The following PCDH15 variants were observed in gnomAD, a reference collection of about 807,000 sequenced individuals.
PCDH15 encodes the protein protocadherin related 15.
PCDH15 carries 129 observed loss-of-function variants against 178.5 expected under a neutral mutation model. That is an observed-to-expected ratio of 0.72 (90% CI 0.63 to 0.84). The LOEUF is 0.84. Ranked by LOEUF, PCDH15 falls within the 40% of genes least tolerant of loss-of-function variation. The pLI, the probability that PCDH15 is intolerant of heterozygous loss-of-function variation, is 0.00. For missense variants in PCDH15, 2,230 were observed against 2,099.9 expected (o/e 1.06, Z -1.21); for synonymous variants, 800 against 732.0 (o/e 1.09, Z -1.50).
intron 10 of PCDH15, among the ~76,000 whole-genome samples, chr10:54,204,134 T>C (rs1457444551): frequency 6.6e-6 from 1 of 152,192 alleles, no homozygotes; most frequent in Non-Finnish European, 1.5e-5. Flanking sequence ...CAAACGTGAA[T>C]TACTTGTACT....
chr10:53,944,072 C>T (rs898094635), intron 23 of PCDH15, among the ~76,000 whole-genome samples: 1 of 151,866 alleles, frequency 6.6e-6, no homozygotes, highest in Non-Finnish European at 1.5e-5. Flanking sequence ...AAGGTAGGAA[C>T]ATAACCAAAT....
intron 3 of PCDH15, among the ~76,000 whole-genome samples, chr10:54,825,209 T>A (rs1261018316): frequency 9.2e-5 from 14 of 151,542 alleles, no homozygotes; most frequent in Non-Finnish European, 2.9e-5. Flanking sequence ...GAACTCATCA[T>A]TTTTTATGGC....
chr10:54,402,186 A>G (rs183990998), intron 3 of PCDH15, among the ~76,000 whole-genome samples: 6 of 152,070 alleles, frequency 3.9e-5, no homozygotes, highest in Admixed American at 1.3e-4. Context: ...CGTGTTCAAG[A>G]TAAAAAATAT....
At chr10:53,916,427 T>C (rs1589406537) in intron 25 of PCDH15, among the ~76,000 whole-genome samples, 1 of 126,096 alleles carries the variant, frequency 7.9e-6, no homozygotes, top group Non-Finnish European at 1.5e-5. Flanking sequence ...TGCAAAATTG[T>C]TTGTTTTCAT....
At chr10:55,604,606 C>G (rs1305838342) in intron 2 of PCDH15, among the ~76,000 whole-genome samples, 10 of 148,034 alleles carry the variant, frequency 6.8e-5, no homozygotes, top group Admixed American at 1.4e-4. Flanking sequence ...CAAAACCGCT[C>G]AACTACATGG....
At chr10:55,280,028 A>C (rs1842687500) in intron 1 of PCDH15, among the ~76,000 whole-genome samples, 1 of 152,152 alleles carries the variant, frequency 6.6e-6, no homozygotes, top group Non-Finnish European at 1.5e-5. Flanking sequence ...AAGATGATTT[A>C]TTGCTAGACA....
intron 8 of PCDH15, among the ~76,000 whole-genome samples, chr10:54,250,270 T>C (rs2056361616): frequency 8.0e-6 from 1 of 125,280 alleles, no homozygotes; most frequent in Non-Finnish European, 1.6e-5. Flanking sequence ...GCTATTACTT[T>C]TTTTTTTTTT....
chr10:54,147,353 A>T (rs944829703), intron 14 of PCDH15, among the ~76,000 whole-genome samples: 2 of 151,898 alleles, frequency 1.3e-5, no homozygotes, highest in Non-Finnish European at 2.9e-5. Flanking sequence ...GATGTCACAG[A>T]AAAGACGTGT....
intron 2 of PCDH15, among the ~76,000 whole-genome samples, chr10:55,339,234 T>G (rs1298400397): frequency 6.6e-6 from 1 of 152,094 alleles, no homozygotes; most frequent in African/African-American, 2.4e-5. Context: ...TATGCCTGTA[T>G]TAAAACATCA....
At chr10:53,821,796 A>G in intron 32 of PCDH15, 1 of 1,600,790 alleles carries the variant, frequency 6.2e-7, no homozygotes, top group Non-Finnish European at 8.5e-7. Context: ...TTCAAATTTG[A>G]TGTTCAACTT....
intron 26 of PCDH15, among the ~76,000 whole-genome samples, chr10:53,870,922 GCA>G (rs2079797090): frequency 6.6e-6 from 1 of 152,124 alleles, no homozygotes; most frequent in South Asian, 2.1e-4. Flanking sequence ...GAGAGTTTCA[GCA>G]CAGAGTATAT....
At chr10:55,278,151 T>C (rs531597149) in intron 1 of PCDH15, among the ~76,000 whole-genome samples, 10 of 152,276 alleles carry the variant, frequency 6.6e-5, no homozygotes, top group South Asian at 2.1e-4. Flanking sequence ...TTAACACGTA[T>C]AGTAGCAATC....
chr10:55,428,720 T>G (rs577662246), intron 2 of PCDH15, among the ~76,000 whole-genome samples: 4 of 152,058 alleles, frequency 2.6e-5, no homozygotes, highest in Admixed American at 6.5e-5. Context: ...AAATTTAGCA[T>G]GATTATTAAT....
At chr10:54,030,371 CTTTTTT>C (rs5785033) in intron 18 of PCDH15, among the ~76,000 whole-genome samples, 1 of 143,130 alleles carries the variant, frequency 7.0e-6, no homozygotes, top group African/African-American at 2.5e-5. Context: ...CAATAGTTGT[CTTTTTT>C]TTTTTTTTTT....
intron 1 of PCDH15, among the ~76,000 whole-genome samples, chr10:55,176,697 T>A (rs1251711241): frequency 6.6e-6 from 1 of 152,116 alleles, no homozygotes; most frequent in East Asian, 1.9e-4. Flanking sequence ...TTCTAATTCA[T>A]CTTGTGGTTC....
At chr10:54,928,881 A>T (rs1027933772) in intron 2 of PCDH15, among the ~76,000 whole-genome samples, 38 of 152,216 alleles carry the variant, frequency 2.5e-4, no homozygotes, top group African/African-American at 9.1e-4. Context: ...ATACTCCTGC[A>T]CCTCAAAGAG....
At chr10:53,978,655 ATG>A (rs1491483969) in intron 21 of PCDH15, among the ~76,000 whole-genome samples, 1 of 103,514 alleles carries the variant, frequency 9.7e-6, no homozygotes, top group South Asian at 3.6e-4. Context: ...TCTCCAGAAA[ATG>A]TTTTTTTTTT....
At chr10:55,125,421 T>C (rs1323494238) in intron 2 of PCDH15, among the ~76,000 whole-genome samples, 2 of 152,032 alleles carry the variant, frequency 1.3e-5, no homozygotes, top group Non-Finnish European at 1.5e-5. Context: ...ATACCTAACC[T>C]GATTTACCTC....
upstream of PCDH15, among the ~76,000 whole-genome samples, chr10:54,804,927 T>TTTTATATATATATA (rs536235796): frequency 9.6e-4 from 49 of 50,846 alleles, 3 homozygotes; most frequent in East Asian, 0.03. Flanking sequence ...TCATAGTAGA[T>TTTTATATATATATA]TATATATATA....
Sources: gnomAD v4.1 joint callset for allele counts (sites outside exome capture counted in the v4.1 genomes callset) on GRCh38, gnomAD v4.1.1 for gene constraint, MANE v1.5 for transcripts, NCBI Gene and HGNC (gene_info 2026-07-23, HGNC 2026-07-21) for gene names.